Variants in MRPS27 observed in about 807,000 individuals in gnomAD.
The protein encoded by MRPS27 is small ribosomal subunit protein mS27.
In MRPS27, 43 loss-of-function variants were observed where a neutral mutation model predicts 48.9. The observed-to-expected ratio is 0.88, with a 90% confidence interval of 0.69 to 1.13. The LOEUF is 1.13. MRPS27 is among the 50% of genes most tolerant of loss of function. The pLI, the probability that MRPS27 is intolerant of heterozygous loss-of-function variation, is 0.00. For missense variants in MRPS27, 467 were observed against 476.3 expected (o/e 0.98, Z 0.18); for synonymous variants, 188 against 171.9 (o/e 1.09, Z -0.73).
chr5:72,275,434 C>T (rs1367523029), intron 4 of MRPS27, among the ~76,000 whole-genome samples: 9 of 152,190 alleles, frequency 5.9e-5, no homozygotes, highest in African/African-American at 1.9e-4. Context: ...GAATCAATAT[C>T]GTGAACATGG....
chr5:72,288,501 C>T (rs961123991), intron 4 of MRPS27, among the ~76,000 whole-genome samples: 4 of 152,198 alleles, frequency 2.6e-5, no homozygotes, highest in Non-Finnish European at 5.9e-5. Context: ...TGAGCCACTG[C>T]GCCCGGCCAT....
At chr5:72,221,938 G>A (rs970224727) in intron 10 of MRPS27, among the ~76,000 whole-genome samples, 2 of 151,994 alleles carry the variant, frequency 1.3e-5, no homozygotes, top group Non-Finnish European at 2.9e-5. Context: ...AGTACTTTAA[G>A]ATGTACTCTC....
Position 72,246,745 on chromosome 5 carries a change from A to C in MRPS27, c.282-8617T>G, listed in dbSNP as rs190292169. ...AGGTGACGTAAAATTATGTAATCTA[A>C]TTCCTTTACTTTATAGAGGAGGAAT... On this transcript the variant is annotated intron_variant, in intron 4 of 10. Coordinates refer to ENST00000261413, the MANE Select transcript of MRPS27 (RefSeq NM_015084.3). Among the ~76,000 whole-genome samples the C allele has an allele frequency of 4.2e-3, 636 of 152,286 alleles. 7 individuals are homozygous for C. The highest frequency in any genetic ancestry group is 0.015 in the African/African-American group (603 of 41,560).
intron 4 of MRPS27, among the ~76,000 whole-genome samples, chr5:72,281,865 T>C (rs1749543257): frequency 6.6e-6 from 1 of 152,234 alleles, no homozygotes; most frequent in Admixed American, 6.5e-5. Context: ...TGAAGACTAA[T>C]GATTGAGTTT....
intron 3 of MRPS27, among the ~76,000 whole-genome samples, chr5:72,297,125 G>A (rs368678724): frequency 3.3e-5 from 5 of 152,230 alleles, no homozygotes; most frequent in Middle Eastern, 3.4e-3. Flanking sequence ...AAAAAATAAT[G>A]TATGTTAAGG....
chr5:72,240,899 A>G (rs771325378), intron 4 of MRPS27, among the ~76,000 whole-genome samples: 17 of 152,220 alleles, frequency 1.1e-4, no homozygotes, highest in Non-Finnish European at 2.2e-4. Flanking sequence ...GCCTTTTGAG[A>G]TATTTGTCAA....
At chr5:72,237,344 A>C (rs1350888172) in intron 5 of MRPS27, among the ~76,000 whole-genome samples, 1 of 152,164 alleles carries the variant, frequency 6.6e-6, no homozygotes. Context: ...GAACTGGTGC[A>C]ACTGGAAATA....
chr5:72,313,080 G>A (rs556979335), intron 2 of MRPS27, among the ~76,000 whole-genome samples: 2 of 152,164 alleles, frequency 1.3e-5, no homozygotes, highest in Non-Finnish European at 2.9e-5. Context: ...GAGAAGCTGC[G>A]ATTACTTATC....
At chr5:72,284,910 G>A (rs112312422) in intron 4 of MRPS27, among the ~76,000 whole-genome samples, 3 of 152,194 alleles carry the variant, frequency 2.0e-5, no homozygotes, top group East Asian at 1.9e-4. Flanking sequence ...ATTGATGGAC[G>A]TAATCTTTTA....
chr5:72,236,262 A>G (rs1272632592), intron 5 of MRPS27, among the ~76,000 whole-genome samples: 1 of 152,160 alleles, frequency 6.6e-6, no homozygotes, highest in Non-Finnish European at 1.5e-5. Context: ...CAATTTTTAA[A>G]AAGCTTCTTG....
intron 4 of MRPS27, among the ~76,000 whole-genome samples, chr5:72,262,522 ATGGCAG>A (rs1749009284): frequency 6.6e-6 from 1 of 152,200 alleles, no homozygotes; most frequent in African/African-American, 2.4e-5. Context: ...AAAGGTAAAT[ATGGCAG>A]GACCACTTTT....
At chr5:72,263,316 A>T (rs183471634) in intron 4 of MRPS27, among the ~76,000 whole-genome samples, 70 of 152,224 alleles carry the variant, frequency 4.6e-4, no homozygotes, top group African/African-American at 1.7e-3. Context: ...TTAAAGCCAT[A>T]AAAGCCTCAG....
intron 4 of MRPS27, 177 bp downstream of exon 4, chr5:72,295,354 C>G (rs1749948297): frequency 1.9e-6 from 1 of 531,218 alleles, no homozygotes. Flanking sequence ...AATAAACTCA[C>G]AGTATGGAAT....
At chr5:72,300,654 C>G (rs778490066) in intron 2 of MRPS27, among the ~76,000 whole-genome samples, 1 of 152,270 alleles carries the variant, frequency 6.6e-6, no homozygotes, top group East Asian at 1.9e-4. Flanking sequence ...CACTCTATAA[C>G]CAATTTGTCA....
intron 4 of MRPS27, among the ~76,000 whole-genome samples, chr5:72,295,057 G>C (rs1749940375): frequency 6.6e-6 from 1 of 152,088 alleles, no homozygotes; most frequent in South Asian, 2.1e-4. Context: ...GTGTTTGTGT[G>C]TGTGTGTATA....
intron 4 of MRPS27, among the ~76,000 whole-genome samples, chr5:72,293,200 C>T (rs563599272): frequency 6.6e-6 from 1 of 151,918 alleles, no homozygotes; most frequent in South Asian, 2.1e-4. Flanking sequence ...ACGAGAGAAC[C>T]CAGCCAATCT....
At chr5:72,261,247 G>A (rs1372680774) in intron 4 of MRPS27, among the ~76,000 whole-genome samples, 1 of 151,922 alleles carries the variant, frequency 6.6e-6, no homozygotes, top group African/African-American at 2.4e-5. Context: ...GGAAACGTAT[G>A]TATGTATGTA....
At chr5:72,225,065 G>C (rs549386365) in intron 9 of MRPS27, among the ~76,000 whole-genome samples, 2 of 152,210 alleles carry the variant, frequency 1.3e-5, no homozygotes, top group Non-Finnish European at 2.9e-5. Flanking sequence ...AAATCTGGCT[G>C]AGATTGGAAG....
chr5:72,284,536 T>C (rs1452947435), intron 4 of MRPS27, among the ~76,000 whole-genome samples: 1 of 152,058 alleles, frequency 6.6e-6, no homozygotes, highest in Admixed American at 6.6e-5. Context: ...ATGAAAAATA[T>C]GTATTTTTTG....
Sources: gnomAD v4.1 joint callset for allele counts (sites outside exome capture counted in the v4.1 genomes callset) on GRCh38, gnomAD v4.1.1 for gene constraint, MANE v1.5 for transcripts, NCBI Gene and HGNC (gene_info 2026-07-23, HGNC 2026-07-21) for gene names.